The following GLB1L3 variants were observed in gnomAD, a reference collection of about 807,000 sequenced individuals.
GLB1L3 encodes beta-galactosidase-1-like protein 3.
Under a neutral mutation model 89.5 loss-of-function variants are expected in GLB1L3, and 89 were observed. That is an observed-to-expected ratio of 0.99 (90% CI 0.84 to 1.19). GLB1L3 has a LOEUF of 1.19. Ranked by LOEUF, GLB1L3 falls within the 50% of genes most tolerant of loss-of-function variation. The pLI, the probability that GLB1L3 is intolerant of heterozygous loss-of-function variation, is 0.00. For missense variants in GLB1L3, 812 were observed against 813.3 expected, an observed-to-expected ratio of 1.00 and a Z score of 0.02; for synonymous variants, 314 against 312.3, an observed-to-expected ratio of 1.01 and a Z score of -0.06.
intron 9 of GLB1L3, among the ~76,000 whole-genome samples, chr11:134,294,191 C>T (rs1356996145): frequency 2.0e-5 from 3 of 152,036 alleles, no homozygotes; most frequent in African/African-American, 4.8e-5. Context: ...CTCAGCCTCC[C>T]GGGTAGCTGT....
intron 9 of GLB1L3, among the ~76,000 whole-genome samples, chr11:134,296,787 C>G (rs1387847579): frequency 6.7e-6 from 1 of 150,050 alleles, no homozygotes; most frequent in African/African-American, 2.5e-5. Flanking sequence ...CACATGTATA[C>G]ATATGTAACT....
chr11:134,284,671 G>A (rs571764096), intron 6 of GLB1L3, among the ~76,000 whole-genome samples: 2 of 152,222 alleles, frequency 1.3e-5, no homozygotes, highest in South Asian at 4.1e-4. Flanking sequence ...AGAGATTACA[G>A]TGAGACAAGA....
rs1186162774 is a variant in GLB1L3 at position 134,277,773 on chromosome 11, C to G, written c.223C>G (p.Arg75Gly). The change falls in exon 3 of 20, where the codon CGG becomes GGG. Residue 75 changes from arginine (R) to glycine (G), a missense_variant. Physicochemically the swap from Arg to Gly is moderately radical, Grantham distance 125 (BLOSUM62 -2). Transcript: ENST00000431683. ...SVGLGTESTG[R>G]GKPHFTLEGH... ...GGGACTTGGAACTGAAAGCACAGGTCGGGGTAAGCCCCACTTCACACTGGA... is the reference window on the plus strand; with the variant it reads ...GGGACTTGGAACTGAAAGCACAGGTGGGGGTAAGCCCCACTTCACACTGGA... The G allele has an allele frequency of 1.9e-6, 3 of 1,613,882 alleles. No homozygotes were observed. In the East Asian group the frequency reaches 6.7e-5, roughly 36 times the overall value.
intron 18 of GLB1L3, among the ~76,000 whole-genome samples, chr11:134,315,760 G>A (rs1180751810): frequency 6.6e-6 from 1 of 151,944 alleles, no homozygotes; most frequent in Non-Finnish European, 1.5e-5. Flanking sequence ...CTCTTACTGT[G>A]TTAAGTATTT....
rs188205187 is a variant in GLB1L3 at position 134,285,584 on chromosome 11, A to C, written c.636+1739A>C. 1.6e-3 allele frequency among the ~76,000 whole-genome samples: 242 copies of C among 152,170 alleles called. 1 individual carries two copies. Among genetic ancestry groups the C allele is most frequent in the African/African-American group, 5.5e-3 (229 of 41,506 alleles). On this transcript the variant is annotated intron_variant, in intron 6 of 19. Transcript: ENST00000431683. ...GAGGACTGCTTGAGCCCAGGAGTAC[A>C]AGACCAGCCTGAGCAACATAGTGAG...
At chr11:134,294,806 A>G (rs1277582062) in intron 9 of GLB1L3, among the ~76,000 whole-genome samples, 1 of 152,176 alleles carries the variant, frequency 6.6e-6, no homozygotes, top group Non-Finnish European at 1.5e-5. Flanking sequence ...TGCATGTTGT[A>G]GCAGGACTCA....
intron 6 of GLB1L3, among the ~76,000 whole-genome samples, chr11:134,286,443 T>A (rs1940987861): frequency 6.6e-6 from 1 of 152,168 alleles, no homozygotes. Flanking sequence ...ATTTCTGCAA[T>A]CTAGATGGGA....
intron 3 of GLB1L3, among the ~76,000 whole-genome samples, 164 bp downstream of exon 3, chr11:134,278,076 T>A (rs2136101993): frequency 2.0e-5 from 3 of 152,262 alleles, no homozygotes; most frequent in Admixed American, 2.0e-4. Flanking sequence ...TCACTTAGTC[T>A]CATGCTGAGT....
chr11:134,292,350 G>A (rs1253838010), intron 8 of GLB1L3, 137 bp downstream of exon 8: 4 of 621,266 alleles, frequency 6.4e-6, no homozygotes, highest in Admixed American at 5.5e-5. Context: ...CCTGGAGTTC[G>A]ATGTTACAAT....
Position 134,277,690 on chromosome 11 carries a change from C to T in GLB1L3, c.150-10C>T, listed in dbSNP as rs1221454780. On this transcript the variant is annotated splice_polypyrimidine_tract_variant and intron_variant, in intron 2 of 19. Coordinates refer to ENST00000431683, the MANE Select transcript of GLB1L3 (RefSeq NM_001080407.3). The stretch of plus-strand genomic sequence containing the variant: ...CTTTCCACTTTCTTTCCCTCGCCCG[C>T]CCCCTCCAGGTTTAATTGGTCTCAT... The T allele has an allele frequency of 6.3e-7, 1 of 1,598,208 alleles. No homozygotes were observed. Among genetic ancestry groups the T allele is most frequent in the Non-Finnish European group, 8.5e-7 (1 of 1,171,820 alleles).
intron 6 of GLB1L3, among the ~76,000 whole-genome samples, chr11:134,286,749 C>G (rs1258418385): frequency 1.3e-5 from 2 of 151,040 alleles, no homozygotes; most frequent in South Asian, 2.1e-4. Flanking sequence ...CGCACTCCAG[C>G]CTGGGCGACA....
rs200789453 is a variant in GLB1L3, at chr11:134,277,851, A to C, written c.301A>C (p.Arg101=). ...CTCCATCCACTATTTCCGGGTGCCC[A>C]GGGAGTACTGGAGGGACCGCCTGCT... ...GGSIHYFRVP[R]EYWRDRLLKL... Residue 101 remains arginine (R), a synonymous_variant, in exon 3 of 20, where the codon AGG becomes CGG. Transcript: ENST00000431683. The C allele has an allele frequency of 1.5e-5, 24 of 1,614,104 alleles. No homozygotes were observed. The highest frequency in any genetic ancestry group is 2.7e-5 in the African/African-American group (2 of 75,036).
intron 8 of GLB1L3, chr11:134,292,543 A>G (rs546420): frequency 0.8 from 181,203 of 226,646 alleles, 73,787 homozygotes; most frequent in Non-Finnish European, 0.87. Flanking sequence ...GATCAGGGCC[A>G]TCTCCACTAA....
chr11:134,292,671 T>C (rs1375614968), intron 8 of GLB1L3: 2 of 233,122 alleles, frequency 8.6e-6, no homozygotes, highest in African/African-American at 2.3e-5. Context: ...TAGGAGATCC[T>C]AGAGAATTAA....
intron 9 of GLB1L3, among the ~76,000 whole-genome samples, chr11:134,306,683 A>G (rs1942220675): frequency 1.3e-5 from 2 of 152,230 alleles, no homozygotes; most frequent in Non-Finnish European, 2.9e-5. Context: ...AGGAGGTGTC[A>G]CCTTTTAAAA....
rs1414442518 is a variant in GLB1L3 at position 134,310,574 on chromosome 11, A to G, written c.1103A>G (p.Tyr368Cys). Residue 368 changes from tyrosine (Y) to cysteine (C), a missense_variant, in exon 12 of 20, where the codon TAT becomes TGT. Physicochemically the swap from Tyr to Cys is radical, Grantham distance 194 (BLOSUM62 -2). Coordinates refer to ENST00000431683, the MANE Select transcript of GLB1L3 (RefSeq NM_001080407.3). The stretch of plus-strand genomic sequence containing the variant: ...GACTGGCCCTGGTGTCTTGCAGACT[A>G]TGATGCAGTGCTCACGGAGGCTGGA... Reference protein sequence around the residue: ...KHSGIVTSYDYDAVLTEAGDY... With the variant: ...KHSGIVTSYDCDAVLTEAGDY... The G allele has an allele frequency of 5.0e-6, 8 of 1,612,092 alleles. No homozygotes were observed. The highest frequency in any genetic ancestry group is 2.2e-5 in the South Asian group (2 of 90,650).
chr11:134,305,351 G>T (rs751442117), intron 9 of GLB1L3: 16 of 482,154 alleles, frequency 3.3e-5, no homozygotes, highest in Non-Finnish European at 5.5e-5. Flanking sequence ...TGTGCTGTTA[G>T]TCTTTCCTAA....
At chr11:134,323,978 A>G (rs182315018), downstream of GLB1L3, among the ~76,000 whole-genome samples, 17 of 152,356 alleles carry the variant, frequency 1.1e-4, no homozygotes, top group Non-Finnish European at 1.6e-4. Flanking sequence ...CAGAGCTAAA[A>G]GTCGTGAATG....
chr11:134,290,647 T>C (rs1392095496), intron 7 of GLB1L3, among the ~76,000 whole-genome samples: 1 of 143,808 alleles, frequency 7.0e-6, no homozygotes, highest in Non-Finnish European at 1.5e-5. Flanking sequence ...CAGGCCCAGG[T>C]CTGACTCGAT....
Sources: gnomAD v4.1 joint callset for allele counts (sites outside exome capture counted in the v4.1 genomes callset) on GRCh38, gnomAD v4.1.1 for gene constraint, MANE v1.5 for transcripts, NCBI Gene and HGNC (gene_info 2026-07-23, HGNC 2026-07-21) for gene names.